Variants in SYTL5 observed in about 807,000 individuals in gnomAD.
SYTL5 encodes the protein synaptotagmin like 5, also known as synaptotagmin-like protein 5.
A neutral mutation model predicts 55.9 loss-of-function variants in SYTL5; 34 were observed. The ratio of observed to expected loss-of-function variants is 0.61; its 90% CI spans 0.46 to 0.81. The LOEUF (loss-of-function observed/expected upper bound fraction) is 0.81. SYTL5 is among the 30% of genes least tolerant of loss of function. SYTL5 has a pLI of 0.00. For missense variants in SYTL5, 637 were observed against 546.7 expected (o/e 1.17, Z -1.65); for synonymous variants, 221 against 188.7 (o/e 1.17, Z -1.40).
chrX:38,097,671 C>T (rs1178511720), intron 9 of SYTL5, among the ~76,000 whole-genome samples: 1 of 109,769 alleles, frequency 9.1e-6, no homozygotes, highest in Non-Finnish European at 1.9e-5. Context: ...AATCAAAATA[C>T]AAGCAGGATA....
chrX:38,074,708 T>A (rs139140593), intron 5 of SYTL5, among the ~76,000 whole-genome samples: 1,794 of 112,168 alleles, frequency 0.016, 35 homozygotes, highest in African/African-American at 0.054. Flanking sequence ...AAATGTCATC[T>A]AACTCAAGCA....
intron 6 of SYTL5, among the ~76,000 whole-genome samples, chrX:38,080,697 A>G (rs1243640660): frequency 8.9e-6 from 1 of 112,247 alleles, no homozygotes; most frequent in African/African-American, 3.2e-5. Context: ...TCCATTCCTC[A>G]TATCTATTAT....
chrX:38,064,443 G>T (rs59387862), intron 3 of SYTL5, among the ~76,000 whole-genome samples: 2 of 111,324 alleles, frequency 1.8e-5, no homozygotes, highest in African/African-American at 6.5e-5. Context: ...GTATGAGGTT[G>T]AGCAGCTTTT....
At chrX:38,080,905 T>A (rs976731266) in intron 6 of SYTL5, among the ~76,000 whole-genome samples, 1 of 111,767 alleles carries the variant, frequency 8.9e-6, no homozygotes, top group Admixed American at 9.5e-5. Flanking sequence ...CAGGACCACA[T>A]CCACAAAGTC....
intron 1 of SYTL5, among the ~76,000 whole-genome samples, chrX:38,031,561 T>A (rs1336349234): frequency 8.9e-6 from 1 of 112,121 alleles, no homozygotes; most frequent in Non-Finnish European, 1.9e-5. Flanking sequence ...CTGAATATGA[T>A]TCTATAAAAC....
chrX:37,952,797 G>A, the SYTL5 span, among the ~76,000 whole-genome samples: 2 of 111,276 alleles, frequency 1.8e-5, no homozygotes, highest in African/African-American at 6.5e-5. Flanking sequence ...AAGTATTCAA[G>A]GCCTGGACAT....
chrX:37,947,961 T>A, the SYTL5 span, among the ~76,000 whole-genome samples: 1 of 111,875 alleles, frequency 8.9e-6, no homozygotes, highest in Non-Finnish European at 1.9e-5. Context: ...GATGTTTTTA[T>A]ACATTTCCAA....
chrX:38,122,632 A>G (rs1051681959), intron 15 of SYTL5, among the ~76,000 whole-genome samples: 6 of 112,348 alleles, frequency 5.3e-5, no homozygotes, highest in African/African-American at 1.9e-4. Flanking sequence ...TAAAAAGTAG[A>G]GATGTCAGAG....
the SYTL5 span, among the ~76,000 whole-genome samples, chrX:37,944,182 G>C: frequency 9.0e-6 from 1 of 111,020 alleles, no homozygotes; most frequent in African/African-American, 3.3e-5. Context: ...TATGGCCCTA[G>C]GCTAAGCTAT....
the SYTL5 span, among the ~76,000 whole-genome samples, chrX:37,944,362 T>C: frequency 9.0e-6 from 1 of 111,144 alleles, no homozygotes; most frequent in South Asian, 3.8e-4. Flanking sequence ...AATTGATGAG[T>C]ATGTTTTTTA....
intron 1 of SYTL5, among the ~76,000 whole-genome samples, chrX:38,032,587 C>T (rs1934987287): frequency 9.0e-6 from 1 of 111,549 alleles, no homozygotes; most frequent in Admixed American, 9.6e-5. Context: ...CAGAGGTAAT[C>T]ATGATCTTGA....
chrX:38,107,475 C>A, intron 11 of SYTL5, among the ~76,000 whole-genome samples: 1 of 111,592 alleles, frequency 9.0e-6, no homozygotes, highest in East Asian at 2.8e-4. Flanking sequence ...AGAAACTCAG[C>A]TGGTCACATA....
the SYTL5 span, among the ~76,000 whole-genome samples, chrX:37,953,552 A>T: frequency 9.0e-6 from 1 of 110,980 alleles, no homozygotes; most frequent in Non-Finnish European, 1.9e-5. Flanking sequence ...TTTTAAGCTG[A>T]GTGACTCTTT....
At chrX:38,064,286 A>G (rs1477408574) in intron 3 of SYTL5, among the ~76,000 whole-genome samples, 1 of 111,687 alleles carries the variant, frequency 9.0e-6, no homozygotes, top group Non-Finnish European at 1.9e-5. Flanking sequence ...GGTTGTAACA[A>G]TCAAAACCCC....
At chrX:37,967,322 G>A in the SYTL5 span, among the ~76,000 whole-genome samples, 2 of 111,617 alleles carry the variant, frequency 1.8e-5, no homozygotes, top group African/African-American at 6.5e-5. Context: ...AAAGTGCTGG[G>A]ATTACAGGCG....
the SYTL5 span, among the ~76,000 whole-genome samples, chrX:37,982,781 T>C: frequency 9.0e-6 from 1 of 111,710 alleles, no homozygotes; most frequent in African/African-American, 3.2e-5. Context: ...AAGGTTCATA[T>C]AACAAAAGCT....
chrX:37,986,219 A>T, the SYTL5 span, among the ~76,000 whole-genome samples: 1 of 109,038 alleles, frequency 9.2e-6, no homozygotes, highest in Non-Finnish European at 1.9e-5. Context: ...TTTTTTTTTT[A>T]AAGAAGGAAG....
At position 38,106,715 on chromosome X, in the gene SYTL5, T is replaced by C; in HGVS notation, c.1278T>C (p.Phe426=). Residue 426 remains phenylalanine, a synonymous_variant, in exon 11 of 17, where the codon TTT becomes TTC. Coordinates refer to ENST00000297875, the MANE Select transcript of SYTL5 (RefSeq NM_138780.3). ...YCYKTGGLYI[F]VKNCRNLAIG... is the part of the protein sequence containing the mutation. The stretch of plus-strand genomic sequence containing the variant: ...ACAAAACTGGTGGGCTGTACATTTT[T>C]GTCAAGAATTGCAGAAATCTGGCCA... 1 of 1,209,061 alleles carries C rather than the reference T, an allele frequency of 8.3e-7. No individual in the cohort carries two copies. The highest frequency in any genetic ancestry group is 1.1e-6 in the Non-Finnish European group (1 of 894,548).
At chrX:37,914,710 G>A in the SYTL5 span, among the ~76,000 whole-genome samples, 1 of 111,419 alleles carries the variant, frequency 9.0e-6, no homozygotes, top group African/African-American at 3.3e-5. Flanking sequence ...TATTTAAATT[G>A]ATACAGATTC....
Sources: gnomAD v4.1 joint callset for allele counts (sites outside exome capture counted in the v4.1 genomes callset) on GRCh38, gnomAD v4.1.1 for gene constraint, MANE v1.5 for transcripts, NCBI Gene and HGNC (gene_info 2026-07-23, HGNC 2026-07-21) for gene names.